CYFIP2: variants seen among roughly 807,000 people sequenced by gnomAD.
CYFIP2 encodes the protein cytoplasmic FMR1-interacting protein 2.
CYFIP2 carries 29 observed loss-of-function variants against 158.7 expected under a neutral mutation model. The ratio of observed to expected loss-of-function variants is 0.18; its 90% confidence interval spans 0.14 to 0.25. The LOEUF is 0.25. Ranked by LOEUF, CYFIP2 falls within the 10% of genes least tolerant of loss-of-function variation. CYFIP2 has a pLI of 1.00. For synonymous variants in CYFIP2, 585 were observed against 617.6 expected, an observed-to-expected ratio of 0.95 and a Z score of 0.78; for missense variants, 852 against 1,639.5, an observed-to-expected ratio of 0.52 and a Z score of 8.29.
rs1017312724 is a variant in CYFIP2, at chr5:157,311,469, G to C, written c.993-195G>C. 6 of 593,108 alleles carry C rather than the reference G, an allele frequency of 1.0e-5. No homozygotes were observed. The highest frequency in any genetic ancestry group is 8.0e-5 in the South Asian group (4 of 49,690). 36.7% of individuals were successfully genotyped at this position (593,108 alleles called of 1,614,324 possible). A position where few individuals can be genotyped will look rare whatever the true frequency, so the allele number is the denominator to read the frequency against. On this transcript the variant is annotated intron_variant, in intron 10 of 30. Coordinates refer to ENST00000620254, the MANE Select transcript of CYFIP2 (RefSeq NM_001037333.3). This position sits in a 1 kb window ranked among gnomAD's most constrained non-coding sequence, Gnocchi z 4.7. ...TGAGGCTGGCACCAAAGAGGAGGAG[G>C]AAGGACTGTTCCATTAGGCCTGAAG... is the stretch of plus-strand genomic sequence containing the variant.
At chr5:157,317,187 C>T (rs993596159) in intron 13 of CYFIP2, among the ~76,000 whole-genome samples, 1 of 152,182 alleles carries the variant, frequency 6.6e-6, no homozygotes, top group Non-Finnish European at 1.5e-5. Flanking sequence ...CCAAGCACAA[C>T]CACCAAGAAC....
Position 157,381,967 on chromosome 5 carries a change from GA to G in CYFIP2, c.3040-622del, listed in dbSNP as rs553716796. Among the ~76,000 whole-genome samples, 277 of 151,608 alleles carry G rather than the reference GA, an allele frequency of 1.8e-3. 1 individual carries two copies. The highest frequency in any genetic ancestry group is 6.4e-3 in the African/African-American group (267 of 41,554). On this transcript the variant is annotated intron_variant, in intron 26 of 30. Transcript: ENST00000620254. ...GCATGTCCCAGGACAGTAAGCCCATGAGACCCTATCTCCCGTCTTGCCCTAA... is the reference window on the plus strand; with the variant it reads ...GCATGTCCCAGGACAGTAAGCCCATGGACCCTATCTCCCGTCTTGCCCTAA...
chr5:157,307,392 G>T (rs930671027), intron 8 of CYFIP2, among the ~76,000 whole-genome samples: 4 of 152,168 alleles, frequency 2.6e-5, no homozygotes, highest in East Asian at 3.8e-4. Flanking sequence ...GTGTGGCCTT[G>T]GCGAGCTGTC....
chr5:157,313,277 C>T (rs1759885506), intron 11 of CYFIP2, among the ~76,000 whole-genome samples: 1 of 152,226 alleles, frequency 6.6e-6, no homozygotes, highest in Admixed American at 6.5e-5. Flanking sequence ...TTTAAAGACA[C>T]TTGATGTGAT....
intron 9 of CYFIP2, among the ~76,000 whole-genome samples, chr5:157,308,490 T>C (rs1028676772): frequency 5.3e-5 from 8 of 152,198 alleles, no homozygotes; most frequent in African/African-American, 1.9e-4. Flanking sequence ...TGCAAAGGAA[T>C]CTTACACTTT....
At chr5:157,342,584 T>A (rs1007993049) in intron 23 of CYFIP2, 4 of 356,222 alleles carry the variant, frequency 1.1e-5, no homozygotes, top group African/African-American at 8.2e-5. Flanking sequence ...AACATATCCA[T>A]GTTTGTTTTA....
rs1483327529 is a variant in CYFIP2 at position 157,349,559 on chromosome 5, G to A, written c.2673+8402G>A. Among the ~76,000 whole-genome samples, 6 of 152,254 alleles carry A rather than the reference G, an allele frequency of 3.9e-5. No individual in the cohort carries two copies. In the South Asian group the frequency reaches 6.2e-4, roughly 16 times the overall value. Reference sequence around the variant, plus strand: ...GCTGGTTCCATATTTTTGCAATTGCGAATTGTGCTGCTATAAACATGCGTG... The same window carrying A: ...GCTGGTTCCATATTTTTGCAATTGCAAATTGTGCTGCTATAAACATGCGTG... On this transcript the variant is annotated intron_variant, in intron 23 of 30. Transcript: ENST00000620254.
chr5:157,312,763 G>A (rs1759841585), intron 11 of CYFIP2, among the ~76,000 whole-genome samples: 1 of 152,226 alleles, frequency 6.6e-6, no homozygotes, highest in African/African-American at 2.4e-5. Context: ...TGGCCCACAG[G>A]GACCAAGGTC....
chr5:157,367,185 C>T (rs1411985230), intron 26 of CYFIP2, among the ~76,000 whole-genome samples: 1 of 152,198 alleles, frequency 6.6e-6, no homozygotes, highest in Non-Finnish European at 1.5e-5. Flanking sequence ...CCCCAGAGAC[C>T]ATCCAGGGTT....
intron 28 of CYFIP2, among the ~76,000 whole-genome samples, chr5:157,383,955 G>C (rs1766384476): frequency 6.6e-6 from 1 of 152,170 alleles, no homozygotes; most frequent in South Asian, 2.1e-4. Context: ...AGTTCATGCA[G>C]GATGATGGCT....
chr5:157,359,199 T>G (rs1763628210), intron 24 of CYFIP2, 51 bp downstream of exon 24: 2 of 1,601,222 alleles, frequency 1.2e-6, no homozygotes, highest in African/African-American at 2.7e-5. Context: ...GGGTTTGACA[T>G]AAACAAAGTT....
At chr5:157,354,879 T>C (rs1763309401) in intron 23 of CYFIP2, among the ~76,000 whole-genome samples, 2 of 152,074 alleles carry the variant, frequency 1.3e-5, no homozygotes, top group African/African-American at 4.8e-5. Flanking sequence ...TGTATTTATT[T>C]GTGCTTGCCA....
chr5:157,349,993 T>G (rs1762962441), intron 23 of CYFIP2, among the ~76,000 whole-genome samples: 1 of 152,238 alleles, frequency 6.6e-6, no homozygotes, highest in Middle Eastern at 3.2e-3. Flanking sequence ...TTCTTACTGA[T>G]TTGTTTGAAT....
At chr5:157,379,925 G>C (rs1765888049) in intron 26 of CYFIP2, 1 of 152,134 alleles carries the variant, frequency 6.6e-6, no homozygotes, top group South Asian at 2.1e-4. Context: ...CAGTCTCCTT[G>C]AGCATTCGGG....
At chr5:157,369,888 T>TTTTG (rs1561774823) in intron 26 of CYFIP2, among the ~76,000 whole-genome samples, 8 of 149,274 alleles carry the variant, frequency 5.4e-5, no homozygotes, top group African/African-American at 1.5e-4. Context: ...AGTTTTTTTT[T>TTTTG]TTTTTTTTTT....
intron 21 of CYFIP2, among the ~76,000 whole-genome samples, chr5:157,338,392 T>G (rs1203182912): frequency 2.0e-5 from 3 of 152,224 alleles, no homozygotes; most frequent in Non-Finnish European, 4.4e-5. Context: ...CTCCCACCTC[T>G]TTTTAAAACT....
At chr5:157,376,932 T>C (rs763463215) in intron 26 of CYFIP2, 4 of 455,794 alleles carry the variant, frequency 8.8e-6, no homozygotes. Flanking sequence ...AATCTGACCT[T>C]GGCTTCCTCC....
chr5:157,341,222 C>G, intron 23 of CYFIP2, 65 bp downstream of exon 23: 1 of 1,462,280 alleles, frequency 6.8e-7, no homozygotes, highest in South Asian at 1.1e-5. Context: ...AGAAAAGTGT[C>G]TCTTAATTAG....
intron 28 of CYFIP2, chr5:157,384,756 A>G (rs1766492230): frequency 3.2e-6 from 1 of 316,162 alleles, no homozygotes; most frequent in Admixed American, 3.9e-5. Flanking sequence ...CCTGGCCAAC[A>G]TGGTGAAACC....
Sources: gnomAD v4.1 joint callset for allele counts (sites outside exome capture counted in the v4.1 genomes callset) on GRCh38, gnomAD v4.1.1 for gene constraint, Gnocchi (gnomAD v3.1) non-coding constraint, MANE v1.5 for transcripts, NCBI Gene and HGNC (gene_info 2026-07-23, HGNC 2026-07-21) for gene names.